The following NXPE4 variants were observed in gnomAD, a reference collection of about 807,000 sequenced individuals.
NXPE4 encodes the protein neurexophilin and PC-esterase domain family member 4, also known as NXPE family member 4.
Under a neutral mutation model 33.3 loss-of-function variants are expected in NXPE4, and 42 were observed. The ratio of observed to expected loss-of-function variants is 1.26; its 90% CI spans 0.98 to 1.63. NXPE4 has a LOEUF of 1.63. NXPE4 is among the 40% of genes most tolerant of loss of function. The probability of loss-of-function intolerance (pLI) is 0.00; values close to 1 mark genes in which losing one functional copy is unlikely to be tolerated. For synonymous variants in NXPE4, 253 were observed against 234.9 expected, an observed-to-expected ratio of 1.08 and a Z score of -0.71; for missense variants, 709 against 647.6, an observed-to-expected ratio of 1.09 and a Z score of -1.03.
the NXPE4 span, among the ~76,000 whole-genome samples, chr11:114,623,744 G>C: frequency 6.6e-6 from 1 of 152,120 alleles, no homozygotes; most frequent in African/African-American, 2.4e-5. Flanking sequence ...GGTAACCACT[G>C]TTAACTGGTG....
At chr11:114,627,722 G>C in the NXPE4 span, among the ~76,000 whole-genome samples, 2 of 152,072 alleles carry the variant, frequency 1.3e-5, no homozygotes, top group African/African-American at 4.8e-5. Context: ...GACACAGATT[G>C]GCAAATTGGT....
At chr11:114,586,712 C>A (rs1024541539) in intron 2 of NXPE4, among the ~76,000 whole-genome samples, 1 of 152,150 alleles carries the variant, frequency 6.6e-6, no homozygotes, top group East Asian at 1.9e-4. Context: ...GGACTAATTC[C>A]AGCCTCCAAC....
the NXPE4 span, among the ~76,000 whole-genome samples, chr11:114,607,261 C>A: frequency 4.0e-5 from 6 of 151,822 alleles, no homozygotes; most frequent in African/African-American, 1.5e-4. Flanking sequence ...ATACGTGTTG[C>A]CTCATGGGTA....
chr11:114,675,850 T>C, the NXPE4 span, among the ~76,000 whole-genome samples: 1 of 151,886 alleles, frequency 6.6e-6, no homozygotes, highest in African/African-American at 2.4e-5. Context: ...TTTCAAAATC[T>C]ACTGCAAGCT....
At chr11:114,627,154 A>G in the NXPE4 span, among the ~76,000 whole-genome samples, 2 of 152,092 alleles carry the variant, frequency 1.3e-5, no homozygotes, top group East Asian at 3.9e-4. Context: ...GTTCAGATTC[A>G]GGAAATACAG....
the NXPE4 span, among the ~76,000 whole-genome samples, chr11:114,623,982 C>T: frequency 1.7e-4 from 26 of 152,116 alleles, 1 homozygote; most frequent in Admixed American, 1.7e-3. Context: ...AGTATTGCCT[C>T]GTGGGTAACC....
the NXPE4 span, among the ~76,000 whole-genome samples, chr11:114,674,716 G>A: frequency 6.6e-6 from 1 of 151,730 alleles, no homozygotes; most frequent in South Asian, 2.1e-4. Flanking sequence ...ATGAATTCTA[G>A]TAAACATTAA....
At chr11:114,652,727 A>T in the NXPE4 span, among the ~76,000 whole-genome samples, 4 of 150,116 alleles carry the variant, frequency 2.7e-5, no homozygotes, top group Non-Finnish European at 5.9e-5. Flanking sequence ...GAACATGAAG[A>T]GTGATAGAGC....
the NXPE4 span, among the ~76,000 whole-genome samples, chr11:114,629,195 C>A: frequency 5.9e-5 from 9 of 152,082 alleles, no homozygotes; most frequent in African/African-American, 9.6e-5. Context: ...ATTCTGATAC[C>A]AAAGCCGGGC....
the NXPE4 span, among the ~76,000 whole-genome samples, chr11:114,623,360 T>C: frequency 6.6e-6 from 1 of 152,004 alleles, no homozygotes; most frequent in African/African-American, 2.4e-5. Flanking sequence ...GCCTGTAGGG[T>C]AACCACTTTT....
the NXPE4 span, among the ~76,000 whole-genome samples, chr11:114,626,590 C>T: frequency 1.7e-4 from 26 of 152,106 alleles, no homozygotes; most frequent in East Asian, 5.8e-4. Flanking sequence ...AGCAGAAAAA[C>T]GGGAAACTCT....
chr11:114,591,853 GAT>G, intron 2 of NXPE4, among the ~76,000 whole-genome samples: 1 of 152,116 alleles, frequency 6.6e-6, no homozygotes, highest in Non-Finnish European at 1.5e-5. Flanking sequence ...GATTATCTGA[GAT>G]ATTGACCAGG....
the NXPE4 span, among the ~76,000 whole-genome samples, chr11:114,629,566 A>T: frequency 2.0e-5 from 3 of 152,070 alleles, no homozygotes; most frequent in East Asian, 5.8e-4. Context: ...CCAATATCAT[A>T]TTGAATGGGC....
the NXPE4 span, among the ~76,000 whole-genome samples, chr11:114,639,907 A>T: frequency 3.5e-5 from 4 of 115,680 alleles, no homozygotes; most frequent in Non-Finnish European, 4.8e-5. Flanking sequence ...TATTAAATAT[A>T]AAATATAATA....
At chr11:114,645,328 C>T in the NXPE4 span, among the ~76,000 whole-genome samples, 1 of 151,678 alleles carries the variant, frequency 6.6e-6, no homozygotes, top group Non-Finnish European at 1.5e-5. Flanking sequence ...AATAAAAAAA[C>T]CCAGTCCCCA....
At chr11:114,599,826 C>A (rs1446414732), upstream of NXPE4, among the ~76,000 whole-genome samples, 1 of 152,080 alleles carries the variant, frequency 6.6e-6, no homozygotes, top group African/African-American at 2.4e-5. Context: ...CCAATTACGT[C>A]CTACCAGGCC....
At chr11:114,577,096 TAA>T (rs1314402539) in intron 5 of NXPE4, among the ~76,000 whole-genome samples, 4 of 139,482 alleles carry the variant, frequency 2.9e-5, no homozygotes, top group African/African-American at 2.7e-5. Context: ...CATATATATA[TAA>T]AGTTATATAT....
chr11:114,651,373 T>TTCGTGGTC, the NXPE4 span, among the ~76,000 whole-genome samples: 1 of 152,030 alleles, frequency 6.6e-6, no homozygotes, highest in African/African-American at 2.4e-5. Context: ...TCCTGGTGGG[T>TTCGTGGTC]TCGTGGTCTC....
chr11:114,671,487 A>T, the NXPE4 span, among the ~76,000 whole-genome samples: 2 of 152,088 alleles, frequency 1.3e-5, no homozygotes, highest in African/African-American at 4.8e-5. Flanking sequence ...ACCCAGACAC[A>T]TCATAGTAAA....
Sources: gnomAD v4.1 joint callset for allele counts (sites outside exome capture counted in the v4.1 genomes callset) on GRCh38, gnomAD v4.1.1 for gene constraint, MANE v1.5 for transcripts, NCBI Gene and HGNC (gene_info 2026-07-23, HGNC 2026-07-21) for gene names.